DIP2C: variants seen among roughly 807,000 people sequenced by gnomAD.
The protein encoded by DIP2C is disco-interacting protein 2 homolog C.
A neutral mutation model predicts 192.4 loss-of-function variants in DIP2C; 33 were observed. The observed-to-expected ratio is 0.17, with a 90% CI of 0.13 to 0.23. DIP2C has a LOEUF of 0.23. DIP2C is among the 10% of genes least tolerant of loss of function. The probability of loss-of-function intolerance (pLI) is 1.00; values close to 1 mark genes in which losing one functional copy is unlikely to be tolerated. For synonymous variants in DIP2C, 979 were observed against 864.1 expected, an observed-to-expected ratio of 1.13 and a Z score of -2.33; for missense variants, 1,537 against 2,110.1, an observed-to-expected ratio of 0.73 and a Z score of 5.32.
intron 7 of DIP2C, among the ~76,000 whole-genome samples, chr10:414,918 T>TGGTAGAGACAGGG (rs1965530231): frequency 1.5e-5 from 2 of 137,384 alleles, no homozygotes; most frequent in Admixed American, 7.3e-5. Context: ...TTTTTTTTTT[T>TGGTAGAGACAGGG]TTTGGTAGAG....
intron 1 of DIP2C, among the ~76,000 whole-genome samples, chr10:562,310 T>C (rs879728462): frequency 6.6e-6 from 1 of 152,236 alleles, no homozygotes; most frequent in East Asian, 1.9e-4. Flanking sequence ...AAAATTGAGC[T>C]CACTTGAGCA....
At chr10:365,664 G>A (rs1327007494) in intron 19 of DIP2C, among the ~76,000 whole-genome samples, 1 of 152,242 alleles carries the variant, frequency 6.6e-6, no homozygotes, top group Non-Finnish European at 1.5e-5. Flanking sequence ...TAAGAGTTCT[G>A]AGTTGCAGCA....
chr10:546,328 A>G (rs1848286336), intron 1 of DIP2C, among the ~76,000 whole-genome samples: 1 of 152,022 alleles, frequency 6.6e-6, no homozygotes, highest in South Asian at 2.1e-4. Flanking sequence ...TAAAGTCATT[A>G]CATGTTAATA....
At chr10:581,341 C>T (rs997995662) in intron 1 of DIP2C, among the ~76,000 whole-genome samples, 1 of 152,140 alleles carries the variant, frequency 6.6e-6, no homozygotes, top group African/African-American at 2.4e-5. Flanking sequence ...AAACAGTGGC[C>T]ACTGTTGACA....
rs557568714 is a variant in DIP2C at position 494,661 on chromosome 10, CAG to C, written c.86-8133_86-8132del. ...ATATGCAGCATGAGAAAGGAAAGCT[CAG>C]AGAGAGGTGTAGTGAGCAGTCACGC... is the stretch of plus-strand genomic sequence containing the variant. On this transcript the variant is annotated intron_variant, in intron 1 of 36. Transcript: ENST00000280886. Among the ~76,000 whole-genome samples, 173 of 152,220 alleles carry C rather than the reference CAG, an allele frequency of 1.1e-3. 1 individual carries two copies. The highest frequency in any genetic ancestry group is 2.2e-3 in the Non-Finnish European group (147 of 68,018).
At chr10:341,155 G>T in intron 29 of DIP2C, 44 bp downstream of exon 29, 1 of 1,613,026 alleles carries the variant, frequency 6.2e-7, no homozygotes, top group Non-Finnish European at 8.5e-7. Context: ...GGAGAGGAAG[G>T]TGCATGATTT....
intron 17 of DIP2C, among the ~76,000 whole-genome samples, chr10:374,148 A>C (rs1961304347): frequency 6.6e-6 from 1 of 152,188 alleles, no homozygotes; most frequent in Non-Finnish European, 1.5e-5. Flanking sequence ...CACTGAATTC[A>C]GCTGGTTTGT....
intron 29 of DIP2C, chr10:340,588 A>G (rs950850738): frequency 2.8e-6 from 1 of 356,568 alleles, no homozygotes; most frequent in Non-Finnish European, 5.6e-6. Context: ...TTTCTTCTTC[A>G]TATTTTCTAT....
chr10:419,497 G>A (rs1426452104), intron 5 of DIP2C, among the ~76,000 whole-genome samples: 6 of 152,228 alleles, frequency 3.9e-5, no homozygotes, highest in Admixed American at 2.0e-4. Context: ...ATGGCAGGGC[G>A]TCAGGAACCC....
chr10:315,631 G>A (rs1396969742), intron 31 of DIP2C, among the ~76,000 whole-genome samples: 2 of 152,090 alleles, frequency 1.3e-5, no homozygotes, highest in East Asian at 1.9e-4. Flanking sequence ...ACTGACTTTC[G>A]GTGTTTGGAC....
intron 3 of DIP2C, among the ~76,000 whole-genome samples, chr10:455,335 G>GAGTAAATGAGATGAAAACACTCTGC: frequency 7.0e-6 from 1 of 142,640 alleles, no homozygotes; most frequent in African/African-American, 2.6e-5. Context: ...AGACCGTGAG[G>GAGTAAATGAGATGAAAACACTCTGC]AATAAATGAG....
intron 1 of DIP2C, among the ~76,000 whole-genome samples, chr10:579,990 AC>A (rs1168173785): frequency 6.6e-6 from 1 of 151,920 alleles, no homozygotes; most frequent in Admixed American, 6.5e-5. Flanking sequence ...ATATACAGGT[AC>A]ACTATAACAT....
intron 1 of DIP2C, among the ~76,000 whole-genome samples, chr10:545,171 T>C (rs1366236163): frequency 1.4e-5 from 2 of 139,718 alleles, no homozygotes; most frequent in Non-Finnish European, 3.1e-5. Flanking sequence ...TTTCCCTTTT[T>C]TTTTTTTTTT....
chr10:532,935 T>G (rs1847503093), intron 1 of DIP2C, among the ~76,000 whole-genome samples: 1 of 152,138 alleles, frequency 6.6e-6, no homozygotes, highest in African/African-American at 2.4e-5. Flanking sequence ...GGACCGCACG[T>G]GCACACCACC....
At chr10:417,903 T>C (rs368927821) in intron 6 of DIP2C, among the ~76,000 whole-genome samples, 1,013 of 25,418 alleles carry the variant, frequency 0.04, 61 homozygotes, top group Admixed American at 0.067. Context: ...AGGGCTCGGA[T>C]AGGCCTCCCT....
intron 30 of DIP2C, among the ~76,000 whole-genome samples, chr10:327,668 G>C (rs192584522): frequency 1.3e-5 from 2 of 152,046 alleles, no homozygotes; most frequent in Non-Finnish European, 2.9e-5. Flanking sequence ...CAAGTAGCTG[G>C]GACTGCAGAC....
chr10:409,452 G>A (rs1055167647), intron 8 of DIP2C, among the ~76,000 whole-genome samples: 4 of 152,160 alleles, frequency 2.6e-5, no homozygotes, highest in African/African-American at 7.2e-5. Flanking sequence ...TGAGTCCCTG[G>A]AGTCAAGAGG....
intron 1 of DIP2C, among the ~76,000 whole-genome samples, chr10:567,210 A>T (rs1849512856): frequency 6.6e-6 from 1 of 151,996 alleles, no homozygotes; most frequent in Non-Finnish European, 1.5e-5. Flanking sequence ...TTTTTTTAAG[A>T]CACAATATCA....
At chr10:617,702 C>T (rs375000067) in intron 1 of DIP2C, among the ~76,000 whole-genome samples, 115 of 141,352 alleles carry the variant, frequency 8.1e-4, no homozygotes, top group African/African-American at 1.5e-3. Flanking sequence ...CTTGCGGTTC[C>T]GAAGGAGGCT....
Sources: allele counts gnomAD v4.1 joint callset (sites outside exome capture counted in the v4.1 genomes callset), GRCh38; gene constraint gnomAD v4.1.1; transcripts MANE v1.5; gene names NCBI Gene and HGNC (gene_info 2026-07-23, HGNC 2026-07-21).